Variants in ELOVL6 observed in about 807,000 individuals in gnomAD.
The protein encoded by ELOVL6 is ELOVL fatty acid elongase 6.
A neutral mutation model predicts 31.7 loss-of-function variants in ELOVL6; 8 were observed. That is an observed-to-expected ratio of 0.25 (90% CI 0.15 to 0.45). The LOEUF is 0.45. Among genes scored for constraint, ELOVL6 ranks in the 20% least tolerant of loss-of-function variants. ELOVL6 has a pLI of 1.00. For synonymous variants in ELOVL6, 101 were observed against 117.7 expected (o/e 0.86, Z 0.92); for missense variants, 126 against 326.4 (o/e 0.39, Z 4.73).
intron 1 of ELOVL6, among the ~76,000 whole-genome samples, chr4:110,154,655 T>C (rs1220554151): frequency 1.3e-5 from 2 of 152,238 alleles, no homozygotes; most frequent in African/African-American, 4.8e-5. Context: ...AAGTTATTTT[T>C]TGAGCTATTT....
intron 1 of ELOVL6, among the ~76,000 whole-genome samples, chr4:110,121,568 A>C (rs192648084): frequency 5.1e-4 from 78 of 152,248 alleles, no homozygotes; most frequent in African/African-American, 1.8e-3. Context: ...GCGTGGTGGC[A>C]GACGCCTGTA....
At chr4:110,058,976 C>T (rs886227902) in intron 3 of ELOVL6, among the ~76,000 whole-genome samples, 1 of 152,174 alleles carries the variant, frequency 6.6e-6, no homozygotes, top group African/African-American at 2.4e-5. Context: ...TTTCTGGTAA[C>T]CTGTGCCACA....
intron 1 of ELOVL6, among the ~76,000 whole-genome samples, chr4:110,140,948 G>A (rs947618722): frequency 4.6e-5 from 7 of 152,076 alleles, no homozygotes; most frequent in Admixed American, 1.3e-4. Context: ...ACAGTTCCAC[G>A]TGGCTGGGGA....
chr4:110,185,993 CACCCTGGCTAACATGGTGAA>C (rs370092116), intron 1 of ELOVL6, among the ~76,000 whole-genome samples: 1 of 152,046 alleles, frequency 6.6e-6, no homozygotes, highest in African/African-American at 2.4e-5. Context: ...AGTTCGAGAC[CACCCTGGCTAACATGGTGAA>C]ACCCTGTATC....
chr4:110,167,775 A>G (rs1314039600), intron 1 of ELOVL6, among the ~76,000 whole-genome samples: 1 of 152,122 alleles, frequency 6.6e-6, no homozygotes, highest in Middle Eastern at 3.2e-3. Context: ...GCCTCAAGCC[A>G]TCCTCCCACC....
At chr4:110,133,448 T>G (rs1360953654) in intron 1 of ELOVL6, among the ~76,000 whole-genome samples, 1 of 152,180 alleles carries the variant, frequency 6.6e-6, no homozygotes, top group Non-Finnish European at 1.5e-5. Flanking sequence ...TGTGTATTAA[T>G]AAAAGCTGTG....
chr4:110,142,375 G>T (rs1757990844), intron 1 of ELOVL6, among the ~76,000 whole-genome samples: 1 of 152,026 alleles, frequency 6.6e-6, no homozygotes. Flanking sequence ...AACGTCCAAG[G>T]ATTAAAGGAA....
At chr4:110,108,709 G>A (rs1756952908) in intron 1 of ELOVL6, among the ~76,000 whole-genome samples, 1 of 152,252 alleles carries the variant, frequency 6.6e-6, no homozygotes, top group African/African-American at 2.4e-5. Flanking sequence ...TGTCATGGCT[G>A]TGGTCAAGCA....
chr4:110,084,741 C>G (rs372916988), intron 2 of ELOVL6, among the ~76,000 whole-genome samples: 9 of 150,186 alleles, frequency 6.0e-5, no homozygotes, highest in Non-Finnish European at 8.9e-5. Context: ...GCTACAGGTG[C>G]GTGCCACCAC....
intron 1 of ELOVL6, among the ~76,000 whole-genome samples, chr4:110,174,655 G>A (rs968179225): frequency 1.3e-5 from 2 of 152,042 alleles, no homozygotes; most frequent in East Asian, 1.9e-4. Context: ...GTCAACACAC[G>A]TTCACTAAAA....
At chr4:110,187,899 G>A (rs771135512) in intron 1 of ELOVL6, among the ~76,000 whole-genome samples, 7 of 152,060 alleles carry the variant, frequency 4.6e-5, no homozygotes, top group African/African-American at 9.7e-5. Context: ...TTTCCTTTCC[G>A]ACATCTTTAT....
chr4:110,127,420 A>AAAAG (rs1553959435), intron 1 of ELOVL6, among the ~76,000 whole-genome samples: 2 of 150,646 alleles, frequency 1.3e-5, no homozygotes, highest in African/African-American at 4.9e-5. Flanking sequence ...AAAAAAAAAA[A>AAAAG]AAAAAGAAAA....
chr4:110,124,343 G>T (rs1379699154), intron 1 of ELOVL6, among the ~76,000 whole-genome samples: 1 of 152,002 alleles, frequency 6.6e-6, no homozygotes, highest in African/African-American at 2.4e-5. Flanking sequence ...AAGAAAATGT[G>T]GTATATATAC....
At position 110,067,521 on chromosome 4, in the gene ELOVL6, C is replaced by T. The variant is rs111475375; in HGVS notation, c.222-7767G>A. On this transcript the variant is annotated intron_variant, in intron 2 of 3. Transcript: ENST00000302274. ...GGAAGCCTCAGGAGACTTACAATCA[C>T]GGTGGAAGAAGAAGCAAACATGTCC... 5.8e-3 allele frequency among the ~76,000 whole-genome samples: 885 copies of T among 152,198 alleles called. 7 individuals are homozygous for T. Among genetic ancestry groups the T allele is most frequent in the African/African-American group, 0.02 (819 of 41,496 alleles).
chr4:110,070,686 A>G (rs1484998799), intron 2 of ELOVL6, among the ~76,000 whole-genome samples: 1 of 152,066 alleles, frequency 6.6e-6, no homozygotes, highest in East Asian at 1.9e-4. Flanking sequence ...CGTTCTTGTG[A>G]TAGTGAGTGA....
intron 1 of ELOVL6, among the ~76,000 whole-genome samples, chr4:110,158,651 A>C (rs1758534653): frequency 1.1e-5 from 1 of 89,962 alleles, no homozygotes; most frequent in Non-Finnish European, 1.9e-5. Context: ...ATATATATAT[A>C]TATATATTTT....
At chr4:110,119,096 T>G (rs1757270137) in intron 1 of ELOVL6, among the ~76,000 whole-genome samples, 1 of 152,044 alleles carries the variant, frequency 6.6e-6, no homozygotes, top group African/African-American at 2.4e-5. Flanking sequence ...AAATTGAGAG[T>G]AGCAATAGCT....
intron 1 of ELOVL6, among the ~76,000 whole-genome samples, chr4:110,165,926 C>A (rs980533049): frequency 6.6e-6 from 1 of 152,114 alleles, no homozygotes; most frequent in Non-Finnish European, 1.5e-5. Context: ...GTCTTTTCCA[C>A]GTAAGAAAAC....
At chr4:110,086,813 T>C (rs1756279695) in intron 2 of ELOVL6, among the ~76,000 whole-genome samples, 2 of 152,194 alleles carry the variant, frequency 1.3e-5, no homozygotes, top group Admixed American at 1.3e-4. Context: ...TATAGATTTA[T>C]AGGTTCTGAA....
Sources: gnomAD v4.1 joint callset for allele counts (sites outside exome capture counted in the v4.1 genomes callset) on GRCh38, gnomAD v4.1.1 for gene constraint, MANE v1.5 for transcripts, NCBI Gene and HGNC (gene_info 2026-07-23, HGNC 2026-07-21) for gene names.